Variants in WNK1 observed in about 807,000 individuals in gnomAD.
WNK1 encodes WNK lysine deficient protein kinase 1.
In WNK1, 38 loss-of-function variants were observed where a neutral mutation model predicts 222.8. The ratio of observed to expected loss-of-function variants is 0.17; its 90% CI spans 0.13 to 0.22. The LOEUF (loss-of-function observed/expected upper bound fraction) is 0.22. Among genes scored for constraint, WNK1 ranks in the 10% least tolerant of loss-of-function variants. The probability of loss-of-function intolerance (pLI) is 1.00; values close to 1 mark genes in which losing one functional copy is unlikely to be tolerated. For synonymous variants in WNK1, 1,090 were observed against 1,092.9 expected, an observed-to-expected ratio of 1.00 and a Z score of 0.05; for missense variants, 2,348 against 2,918.4, an observed-to-expected ratio of 0.80 and a Z score of 4.50.
intron 2 of WNK1, among the ~76,000 whole-genome samples, chr12:824,755 G>A (rs1948216305): frequency 6.6e-6 from 1 of 151,834 alleles, no homozygotes. Flanking sequence ...GAGGACTAAC[G>A]ACAAATAAAA....
At position 900,491 on chromosome 12, in the gene WNK1, A is replaced by T. The variant is rs1259533809; in HGVS notation, c.6464A>T (p.Gln2155Leu). Residue 2155 changes from glutamine (Q) to leucine (L), a missense_variant, in exon 26 of 28, where the codon CAG becomes CTG. By Grantham distance (113) the Gln-to-Leu change is moderately radical. Transcript: ENST00000315939. ...SPQLSGNLSGQSAASVLHPQQ... is the reference protein window; with the variant it reads ...SPQLSGNLSGLSAASVLHPQQ... ...CTTTTGGCAGGTAACCTGTCTGGTCAGAGTGCAGCTTCAGTCTTGCACCCC... is the reference window on the plus strand; with the variant it reads ...CTTTTGGCAGGTAACCTGTCTGGTCTGAGTGCAGCTTCAGTCTTGCACCCC... 1.2e-6 allele frequency: 2 copies of T among 1,614,088 alleles called. No homozygotes were observed. Among genetic ancestry groups the T allele is most frequent in the Non-Finnish European group, 1.7e-6 (2 of 1,180,032 alleles).
At chr12:905,855 C>T (rs1297340372) in intron 26 of WNK1, among the ~76,000 whole-genome samples, 1 of 152,202 alleles carries the variant, frequency 6.6e-6, no homozygotes, top group Non-Finnish European at 1.5e-5. Flanking sequence ...CTTGTGGCTC[C>T]AGCAGACACC....
intron 1 of WNK1, among the ~76,000 whole-genome samples, chr12:785,724 G>GT (rs1944242791): frequency 6.6e-6 from 1 of 152,000 alleles, no homozygotes; most frequent in Non-Finnish European, 1.5e-5. Flanking sequence ...TTTTTTGGTT[G>GT]TTGTTATTTG....
intron 2 of WNK1, among the ~76,000 whole-genome samples, chr12:825,116 C>T (rs575820123): frequency 2.2e-4 from 34 of 152,240 alleles, no homozygotes; most frequent in African/African-American, 7.0e-4. Context: ...GGCATTCATT[C>T]GTGTAACCAA....
intron 20 of WNK1, 29 bp from the exon 21 acceptor site, chr12:889,111 C>G: frequency 6.3e-7 from 1 of 1,599,920 alleles, no homozygotes; most frequent in Non-Finnish European, 8.6e-7. Context: ...TGCCACGGAA[C>G]TGTATTTACT....
intron 1 of WNK1, among the ~76,000 whole-genome samples, chr12:786,123 TTTA>T (rs1944281362): frequency 6.6e-6 from 1 of 152,236 alleles, no homozygotes; most frequent in Non-Finnish European, 1.5e-5. Context: ...GAAAATAGTA[TTTA>T]TTAAGGGAAA....
intron 4 of WNK1, among the ~76,000 whole-genome samples, chr12:830,452 G>T (rs1948705481): frequency 6.6e-6 from 1 of 152,064 alleles, no homozygotes; most frequent in Non-Finnish European, 1.5e-5. Context: ...TATTAATTCA[G>T]CTAAACTCCT....
chr12:785,632 C>T lies in WNK1; in HGVS notation c.760-28010C>T, dbSNP rs1036083085. Among the ~76,000 whole-genome samples, 17 of 152,156 alleles carry T rather than the reference C, an allele frequency of 1.1e-4. 1 individual carries two copies. The highest frequency in any genetic ancestry group is 3.6e-4 in the African/African-American group (15 of 41,520). ...CAGGGTGATCTGGATCTCCTGACCTCGTGATCCACCCGCCTCAGCCTCCCA... is the reference window on the plus strand; with the variant it reads ...CAGGGTGATCTGGATCTCCTGACCTTGTGATCCACCCGCCTCAGCCTCCCA... On this transcript the variant is annotated intron_variant, in intron 1 of 27. Coordinates refer to ENST00000315939, the MANE Select transcript of WNK1 (RefSeq NM_018979.4).
chr12:878,833 A>T (rs1952862609), intron 10 of WNK1, among the ~76,000 whole-genome samples: 1 of 141,476 alleles, frequency 7.1e-6, no homozygotes, highest in South Asian at 2.3e-4. Flanking sequence ...AGTACCCTGT[A>T]GAAGGTATGC....
intron 1 of WNK1, among the ~76,000 whole-genome samples, chr12:764,617 C>CA (rs1941437575): frequency 9.8e-6 from 1 of 102,406 alleles, no homozygotes; most frequent in Non-Finnish European, 1.9e-5. Context: ...GCCTGGGCAA[C>CA]GAGCGAAACT....
chr12:863,334 G>C (rs774875443), intron 8 of WNK1, among the ~76,000 whole-genome samples: 9 of 152,074 alleles, frequency 5.9e-5, no homozygotes, highest in Non-Finnish European at 1.3e-4. Context: ...GTCTCAAAAT[G>C]AATGGCCACA....
At chr12:893,823 A>AAATAATAATAATAATAATAATAAT (rs56048238) in intron 22 of WNK1, among the ~76,000 whole-genome samples, 7,644 of 143,622 alleles carry the variant, frequency 0.053, 295 homozygotes, top group Admixed American at 0.096. Flanking sequence ...ACTCCATCTC[A>AAATAATAATAATAATAATAATAAT]AATAATAATA....
chr12:790,955 G>C (rs1252918677), intron 1 of WNK1, among the ~76,000 whole-genome samples: 1 of 152,050 alleles, frequency 6.6e-6, no homozygotes, highest in Non-Finnish European at 1.5e-5. Flanking sequence ...GGTTTAACCA[G>C]GTCTTCTATG....
chr12:807,293 G>GTT (rs71051387), intron 1 of WNK1, among the ~76,000 whole-genome samples: 35 of 128,820 alleles, frequency 2.7e-4, no homozygotes, highest in South Asian at 9.8e-4. Context: ...CCCTGTCTCT[G>GTT]TTTTTTTTTT....
intron 2 of WNK1, among the ~76,000 whole-genome samples, chr12:814,251 C>CCTAG (rs1364711322): frequency 1.3e-5 from 2 of 151,722 alleles, no homozygotes; most frequent in Non-Finnish European, 2.9e-5. Context: ...ATCGCTTGAA[C>CCTAG]CTAGGAGGCG....
chr12:799,274 C>T (rs1050315702), intron 1 of WNK1, among the ~76,000 whole-genome samples: 5 of 151,998 alleles, frequency 3.3e-5, no homozygotes, highest in Admixed American at 1.3e-4. Context: ...AGGCGTGCAC[C>T]ACCATGTCTG....
At chr12:897,910 G>A (rs1954887998) in intron 25 of WNK1, among the ~76,000 whole-genome samples, 1 of 152,190 alleles carries the variant, frequency 6.6e-6, no homozygotes, top group South Asian at 2.1e-4. Context: ...AATCCATATT[G>A]CTATCTACTG....
chr12:889,422 T>A (rs948508429), intron 21 of WNK1, among the ~76,000 whole-genome samples, 199 bp downstream of exon 21: 3 of 152,230 alleles, frequency 2.0e-5, no homozygotes, highest in Non-Finnish European at 2.9e-5. Context: ...AGATTTTATT[T>A]GAAAGGTGCT....
chr12:799,185 G>A lies in WNK1; in HGVS notation c.760-14457G>A, dbSNP rs907189848. On this transcript the variant is annotated intron_variant, in intron 1 of 27. Coordinates refer to ENST00000315939, the MANE Select transcript of WNK1 (RefSeq NM_018979.4). The stretch of plus-strand genomic sequence containing the variant: ...GTTGCCCAGGCTGGAGTGCAGTGGC[G>A]CAATTTCAGCTTACAGCAGCCTCAA... 1.5e-4 allele frequency among the ~76,000 whole-genome samples: 22 copies of A among 151,318 alleles called. No individual in the cohort carries two copies. In the South Asian group the frequency reaches 1.5e-3, roughly 10 times the overall value.
Sources: allele counts gnomAD v4.1 joint callset (sites outside exome capture counted in the v4.1 genomes callset), GRCh38; gene constraint gnomAD v4.1.1; transcripts MANE v1.5; gene names NCBI Gene and HGNC (gene_info 2026-07-23, HGNC 2026-07-21).